Variants in RAD51B observed in about 807,000 individuals in gnomAD.
RAD51B encodes RAD51 paralog B.
A neutral mutation model predicts 42.2 loss-of-function variants in RAD51B; 38 were observed. The observed-to-expected ratio is 0.90, with a 90% CI of 0.70 to 1.18. RAD51B has a LOEUF of 1.18. Ranked by LOEUF, RAD51B falls within the 50% of genes most tolerant of loss-of-function variation. The probability of loss-of-function intolerance (pLI) is 0.00; values close to 1 mark genes in which losing one functional copy is unlikely to be tolerated. For synonymous variants in RAD51B, 154 were observed against 145.2 expected (o/e 1.06, Z -0.43); for missense variants, 373 against 400.7 (o/e 0.93, Z 0.59).
intron 7 of RAD51B, among the ~76,000 whole-genome samples, chr14:68,194,302 T>C (rs1038238647): frequency 2.6e-5 from 4 of 152,218 alleles, no homozygotes; most frequent in African/African-American, 9.6e-5. Context: ...AGGAGATGTT[T>C]GTTTTAATTT....
At chr14:68,049,274 T>G (rs1298893779) in intron 7 of RAD51B, among the ~76,000 whole-genome samples, 1 of 152,092 alleles carries the variant, frequency 6.6e-6, no homozygotes, top group Non-Finnish European at 1.5e-5. Context: ...AGTTAATGGG[T>G]GTAGCACACC....
chr14:67,863,951 T>C (rs924894106), intron 4 of RAD51B, among the ~76,000 whole-genome samples: 1 of 151,954 alleles, frequency 6.6e-6, no homozygotes, highest in African/African-American at 2.4e-5. Context: ...GCACATCTTA[T>C]TATGGCAGAA....
intron 8 of RAD51B, among the ~76,000 whole-genome samples, chr14:68,377,436 G>C (rs1035643343): frequency 1.3e-5 from 2 of 152,188 alleles, no homozygotes; most frequent in African/African-American, 4.8e-5. Context: ...TTGTTAGGGA[G>C]AAACGTTCCC....
At chr14:68,251,016 T>C (rs2080618676) in intron 7 of RAD51B, among the ~76,000 whole-genome samples, 1 of 152,152 alleles carries the variant, frequency 6.6e-6, no homozygotes, top group South Asian at 2.1e-4. Context: ...TCATAACTTA[T>C]ATTAATTGGG....
chr14:68,386,384 G>A (rs930680505), intron 8 of RAD51B, among the ~76,000 whole-genome samples: 1 of 152,144 alleles, frequency 6.6e-6, no homozygotes, highest in African/African-American at 2.4e-5. Flanking sequence ...GAATATAAAG[G>A]CGTTTACAAG....
chr14:67,887,730 T>C (rs1163731748), intron 7 of RAD51B, among the ~76,000 whole-genome samples: 1 of 152,218 alleles, frequency 6.6e-6, no homozygotes, highest in Non-Finnish European at 1.5e-5. Flanking sequence ...GTTGGAATGA[T>C]AGTAATGAAA....
At chr14:68,602,738 G>T (rs1435373711) in intron 10 of RAD51B, among the ~76,000 whole-genome samples, 1 of 152,182 alleles carries the variant, frequency 6.6e-6, no homozygotes, top group South Asian at 2.1e-4. Flanking sequence ...TGATGGAAAT[G>T]TTAATGTCAT....
At chr14:68,428,121 C>T (rs1239964698) in intron 9 of RAD51B, among the ~76,000 whole-genome samples, 1 of 152,152 alleles carries the variant, frequency 6.6e-6, no homozygotes, top group African/African-American at 2.4e-5. Context: ...CTTGGACTTT[C>T]CAGCATACAG....
chr14:67,825,599 A>G, intron 3 of RAD51B, 22 bp downstream of exon 3: 1 of 1,526,294 alleles, frequency 6.6e-7, no homozygotes. Context: ...TTTTATTATG[A>G]TTTGATTATG....
chr14:68,599,734 C>T (rs1416398868), downstream of RAD51B, among the ~76,000 whole-genome samples: 3 of 152,174 alleles, frequency 2.0e-5, no homozygotes, highest in African/African-American at 4.8e-5. Flanking sequence ...TTCACCATAA[C>T]TATAAGAAGC....
intron 7 of RAD51B, among the ~76,000 whole-genome samples, chr14:68,094,050 T>G (rs1239479147): frequency 6.6e-6 from 1 of 152,240 alleles, no homozygotes; most frequent in African/African-American, 2.4e-5. Flanking sequence ...CTAATGGGTG[T>G]AAAGTGGTAT....
At chr14:68,420,246 C>T (rs973145772) in intron 9 of RAD51B, among the ~76,000 whole-genome samples, 6 of 152,156 alleles carry the variant, frequency 3.9e-5, no homozygotes, top group African/African-American at 1.4e-4. Flanking sequence ...GGAAAGGGAT[C>T]TCAATCCAGA....
intron 5 of RAD51B, among the ~76,000 whole-genome samples, chr14:67,870,750 T>A: frequency 9.0e-6 from 1 of 111,426 alleles, no homozygotes; most frequent in South Asian, 2.8e-4. Flanking sequence ...CAGACCACAG[T>A]GCAATCAAAC....
chr14:68,292,032 A>G (rs1023957612), intron 8 of RAD51B, 52 bp downstream of exon 8: 1 of 1,468,250 alleles, frequency 6.8e-7, no homozygotes, highest in African/African-American at 1.4e-5. Flanking sequence ...ATAGAGCCCC[A>G]CTGCCTCTCC....
chr14:67,944,204 T>A (rs2045309354), intron 7 of RAD51B, among the ~76,000 whole-genome samples: 1 of 134,984 alleles, frequency 7.4e-6, no homozygotes, highest in Non-Finnish European at 1.5e-5. Context: ...AGTAAAGATT[T>A]TTTTTTTTTT....
rs2075844433 is a variant in RAD51B, at chr14:68,020,360, C to T, written c.756+133156C>T. Among the ~76,000 whole-genome samples the T allele has an allele frequency of 2.6e-5, 4 of 152,168 alleles. No homozygotes were observed. The South Asian group carries it at 8.3e-4, about 31-fold the overall frequency. On this transcript the variant is annotated intron_variant, in intron 7 of 10. Coordinates refer to ENST00000471583, the MANE Select transcript of RAD51B (RefSeq NM_133510.4). The stretch of plus-strand genomic sequence containing the variant: ...TCCTGAGCTCAAGCAATCTGCCCAT[C>T]TCAGCCTCCCAGAATGCTAGGATTA...
chr14:68,655,990 A>G (rs940633536), intron 11 of RAD51B, among the ~76,000 whole-genome samples: 4 of 152,206 alleles, frequency 2.6e-5, no homozygotes, highest in South Asian at 4.1e-4. Context: ...AACCACAGCC[A>G]TTCATCCATC....
At position 67,825,345 on chromosome 14, in the gene RAD51B, TTGATC is replaced by T. The variant is rs34397554; in HGVS notation, c.85-116_85-112del. ...AATACTACAATGAATGTATAAATCTTTGATCTGCGATAAATTATACTTTTGTCTAC... is the reference window on the plus strand; with the variant it reads ...AATACTACAATGAATGTATAAATCTTTGCGATAAATTATACTTTTGTCTAC... On this transcript the variant is annotated intron_variant, in intron 2 of 10. Transcript: ENST00000471583. The T allele has an allele frequency of 1.5e-4, 94 of 608,264 alleles. No homozygotes were observed. In the African/African-American group the frequency reaches 1.6e-3, roughly 10 times the overall value. 37.7% of individuals were successfully genotyped at this position (608,264 alleles called of 1,614,324 possible).
At chr14:68,281,381 GCTAA>G (rs779945238) in intron 7 of RAD51B, among the ~76,000 whole-genome samples, 2 of 152,212 alleles carry the variant, frequency 1.3e-5, no homozygotes, top group African/African-American at 2.4e-5. Context: ...TGCTTTATAT[GCTAA>G]CTCATTTATC....
Sources: gnomAD v4.1 joint callset for allele counts (sites outside exome capture counted in the v4.1 genomes callset) on GRCh38, gnomAD v4.1.1 for gene constraint, MANE v1.5 for transcripts, NCBI Gene and HGNC (gene_info 2026-07-23, HGNC 2026-07-21) for gene names.